Variants in PHF2 observed in about 807,000 individuals in gnomAD.
PHF2 encodes lysine-specific demethylase PHF2.
In PHF2, 27 loss-of-function variants were observed where a neutral mutation model predicts 120.5. The observed-to-expected ratio is 0.22, with a 90% CI of 0.17 to 0.31. The LOEUF is 0.31. PHF2 is among the 10% of genes least tolerant of loss of function. The pLI, the probability that PHF2 is intolerant of heterozygous loss-of-function variation, is 1.00. For missense variants in PHF2, 1,024 were observed against 1,434.8 expected, an observed-to-expected ratio of 0.71 and a Z score of 4.63; for synonymous variants, 568 against 592.5, an observed-to-expected ratio of 0.96 and a Z score of 0.60.
rs994195881 is a variant in PHF2, at chr9:93,576,724, C to G, written c.-50C>G. 9 of 936,752 alleles carry G rather than the reference C, an allele frequency of 9.6e-6. No homozygotes were observed. Among genetic ancestry groups the G allele is most frequent in the Non-Finnish European group, 1.0e-5 (8 of 766,078 alleles). The allele number at this position is 936,752 out of a possible 1,614,324, so 58.0% of individuals were successfully genotyped here. ...GCCCGGCCCCCGGCCCGGCCCGGAC[C>G]GACCCGGGCAGCGCAGCGGCGGGGC... On this transcript the variant is annotated 5_prime_UTR_variant, in exon 1 of 22. Transcript: ENST00000359246.
chr9:93,579,104 C>G (rs188364447), intron 1 of PHF2, among the ~76,000 whole-genome samples: 2 of 152,284 alleles, frequency 1.3e-5, no homozygotes, highest in Admixed American at 1.3e-4. Flanking sequence ...TGGTACAGCT[C>G]TCACAGCCCT....
chr9:93,629,351 C>T (rs968705377), intron 1 of PHF2, among the ~76,000 whole-genome samples: 7 of 152,148 alleles, frequency 4.6e-5, no homozygotes, highest in Non-Finnish European at 5.9e-5. Flanking sequence ...GCCTGTAGCC[C>T]GACCATCTGC....
At chr9:93,582,124 C>T (rs1215695158) in intron 1 of PHF2, among the ~76,000 whole-genome samples, 1 of 152,164 alleles carries the variant, frequency 6.6e-6, no homozygotes, top group Non-Finnish European at 1.5e-5. Context: ...CACCTTCATT[C>T]CCAGCATGGA....
At chr9:93,652,560 A>C (rs747755346) in intron 5 of PHF2, among the ~76,000 whole-genome samples, 3 of 151,758 alleles carry the variant, frequency 2.0e-5, no homozygotes, top group Non-Finnish European at 4.4e-5. Context: ...CAAAGTGCTG[A>C]GATTACAGAT....
At chr9:93,587,870 C>T (rs975128667) in intron 1 of PHF2, among the ~76,000 whole-genome samples, 27 of 152,168 alleles carry the variant, frequency 1.8e-4, no homozygotes, top group African/African-American at 6.3e-4. Context: ...ACTGACCGTC[C>T]GTTCTCCAGC....
At chr9:93,653,151 C>T (rs760089176) in intron 5 of PHF2, 28 bp from the exon 6 acceptor site, 4 of 1,607,594 alleles carry the variant, frequency 2.5e-6, no homozygotes, top group Non-Finnish European at 1.7e-6. Context: ...TCCCAGGTTC[C>T]CTCACCACCT....
At chr9:93,591,154 C>CCT (rs1825214623) in intron 1 of PHF2, among the ~76,000 whole-genome samples, 1 of 152,228 alleles carries the variant, frequency 6.6e-6, no homozygotes, top group Non-Finnish European at 1.5e-5. Context: ...TCTGCTGGGA[C>CCT]TCAAGGTCCC....
chr9:93,593,033 T>G (rs2131606980), intron 1 of PHF2, among the ~76,000 whole-genome samples: 1 of 143,322 alleles, frequency 7.0e-6, no homozygotes, highest in Middle Eastern at 3.8e-3. Context: ...AAGCTGCTTT[T>G]GCCCATCCAG....
chr9:93,579,461 G>A (rs561969080), intron 1 of PHF2, among the ~76,000 whole-genome samples: 1 of 152,176 alleles, frequency 6.6e-6, no homozygotes, highest in Non-Finnish European at 1.5e-5. Flanking sequence ...TAACGCTGGT[G>A]CCGGGCTGCT....
chr9:93,671,953 A>T (rs1294434552), intron 17 of PHF2, among the ~76,000 whole-genome samples: 2 of 81,294 alleles, frequency 2.5e-5, no homozygotes, highest in Admixed American at 1.3e-4. Context: ...TGGGTGTGGG[A>T]GTAGGGTCAG....
rs573489971 is a variant in PHF2 at position 93,641,836 on chromosome 9, A to G, written c.300-3793A>G. Among the ~76,000 whole-genome samples the G allele has an allele frequency of 2.0e-5, 3 of 152,294 alleles. 1 individual carries two copies. In the South Asian group the frequency reaches 6.2e-4, roughly 32 times the overall value. ...TTTTATTGCTTGTGCTTTTGGTATC[A>G]CTGCTGATAAATCATTGCCTAATCC... On this transcript the variant is annotated intron_variant, in intron 3 of 21. Transcript: ENST00000359246.
chr9:93,654,490 C>G lies in PHF2; in HGVS notation c.867C>G (p.Asn289Lys). 6.2e-7 allele frequency: 1 copy of G among 1,614,130 alleles called. No homozygotes were observed. Among genetic ancestry groups the G allele is most frequent in the Non-Finnish European group, 8.5e-7 (1 of 1,180,022 alleles). Reference sequence around the variant, plus strand: ...ATGAGCGCTGGCGGTCTGCCTCTAACCACAGCGAGATGTTCTTTGCTGACC... The same window carrying G: ...ATGAGCGCTGGCGGTCTGCCTCTAAGCACAGCGAGATGTTCTTTGCTGACC... The part of the protein sequence containing the change: ...SLYERWRSAS[N>K]HSEMFFADQV... Residue 289 changes from asparagine (N) to lysine (K), a missense_variant, in exon 7 of 22, where the codon AAC (asparagine) becomes AAG (lysine). Coordinates refer to ENST00000359246, the MANE Select transcript of PHF2 (RefSeq NM_005392.4).
At position 93,596,250 on chromosome 9, in the gene PHF2, G is replaced by A. The variant is rs144371743; in HGVS notation, c.98+19379G>A. ...GGACCCCCTGTGCCCACGAGTGGAG[G>A]GCAAGCTGCATGTCACCTGGATGGC... On this transcript the variant is annotated intron_variant, in intron 1 of 21. Coordinates refer to ENST00000359246, the MANE Select transcript of PHF2 (RefSeq NM_005392.4). Among the ~76,000 whole-genome samples, 176 of 152,278 alleles carry A rather than the reference G, an allele frequency of 1.2e-3. 1 individual carries two copies. Among genetic ancestry groups the A allele is most frequent in the African/African-American group, 3.8e-3 (158 of 41,546 alleles).
chr9:93,597,994 C>A (rs1324192694), intron 1 of PHF2, among the ~76,000 whole-genome samples: 4 of 152,192 alleles, frequency 2.6e-5, no homozygotes, highest in African/African-American at 9.6e-5. Context: ...CAACATGGCA[C>A]ATTGGGGGCA....
In PHF2 at chr9:93,677,709, C is replaced by T. The variant is rs1826944952; in HGVS notation, c.*33C>T. ...AAAGCCAGGATCCTTCTGCTCCGCT[C>T]AGGACCCCCGGAGCCCCGCGAAAAC... On this transcript the variant is annotated 3_prime_UTR_variant, in exon 22 of 22. Coordinates refer to ENST00000359246, the MANE Select transcript of PHF2 (RefSeq NM_005392.4). This position sits in a 1 kb window ranked among gnomAD's most constrained non-coding sequence, Gnocchi z 4.4. 2 of 1,544,896 alleles carry T rather than the reference C, an allele frequency of 1.3e-6. No homozygotes were observed. Among genetic ancestry groups the T allele is most frequent in the South Asian group, 1.1e-5 (1 of 89,348 alleles).
chr9:93,676,164 A>T (rs1169390428), intron 20 of PHF2, among the ~76,000 whole-genome samples: 1 of 152,166 alleles, frequency 6.6e-6, no homozygotes, highest in Non-Finnish European at 1.5e-5. Context: ...ACATGCTCCT[A>T]AAAATCTCAT....
chr9:93,645,517 G>A lies in PHF2; in HGVS notation c.300-112G>A, dbSNP rs997311445. 5.4e-5 allele frequency: 60 copies of A among 1,110,614 alleles called. 1 individual carries two copies. The highest frequency in any genetic ancestry group is 8.0e-5 in the Admixed American group (3 of 37,498). The allele number at this position is 1,110,614 out of a possible 1,614,324, so 68.8% of individuals were successfully genotyped here. ...CAGGCCTCCTCCTGTGGCTGTGGGA[G>A]GTGGGTGGCCAGACCCAGGCTCACC... On this transcript the variant is annotated intron_variant, in intron 3 of 21. Coordinates refer to ENST00000359246, the MANE Select transcript of PHF2 (RefSeq NM_005392.4).
intron 17 of PHF2, among the ~76,000 whole-genome samples, chr9:93,667,518 C>T (rs1478387928): frequency 1.3e-5 from 2 of 152,126 alleles, no homozygotes; most frequent in Non-Finnish European, 2.9e-5. Flanking sequence ...GTTTTTTTCA[C>T]GTGGAAATCT....
chr9:93,658,648 G>A (rs1826504129), intron 10 of PHF2, among the ~76,000 whole-genome samples: 2 of 152,090 alleles, frequency 1.3e-5, no homozygotes, highest in Admixed American at 1.3e-4. Context: ...CCTGGTGGGG[G>A]CAGGGAAGGA....
Sources: gnomAD v4.1 joint callset for allele counts (sites outside exome capture counted in the v4.1 genomes callset) on GRCh38, gnomAD v4.1.1 for gene constraint, Gnocchi (gnomAD v3.1) non-coding constraint, MANE v1.5 for transcripts, NCBI Gene and HGNC (gene_info 2026-07-23, HGNC 2026-07-21) for gene names.